Variants in RSRC1 observed in about 807,000 individuals in gnomAD.
RSRC1 encodes the protein serine/Arginine-related protein 53.
RSRC1 carries 39 observed loss-of-function variants against 49.1 expected under a neutral mutation model. The observed-to-expected ratio is 0.79, with a 90% CI of 0.61 to 1.04. The LOEUF (loss-of-function observed/expected upper bound fraction) is 1.04, where lower values mean the gene tolerates loss of function less well. Ranked by LOEUF, RSRC1 falls within the 50% of genes least tolerant of loss-of-function variation. The pLI is 0.00. For missense variants in RSRC1, 388 were observed against 402.4 expected (o/e 0.96, Z 0.31); for synonymous variants, 143 against 130.8 (o/e 1.09, Z -0.63).
At chr3:158,208,523 T>C (rs1350908423) in intron 4 of RSRC1, among the ~76,000 whole-genome samples, 1 of 152,102 alleles carries the variant, frequency 6.6e-6, no homozygotes. Flanking sequence ...ACCACGAAAC[T>C]TGGCTAATTT....
At chr3:158,110,533 T>C (rs11713363) in intron 1 of RSRC1, 47,602 of 152,596 alleles carry the variant, frequency 0.31, 7,994 homozygotes, top group East Asian at 0.57. Flanking sequence ...ACGTTCCTGG[T>C]TCTTCATAGC....
intron 7 of RSRC1, among the ~76,000 whole-genome samples, chr3:158,465,104 T>C (rs1737814471): frequency 1.3e-5 from 2 of 152,156 alleles, no homozygotes; most frequent in Non-Finnish European, 2.9e-5. Context: ...CACTTGAGTT[T>C]CTGGGACACC....
chr3:158,171,953 TCAACAA>T (rs374799867), intron 3 of RSRC1, among the ~76,000 whole-genome samples: 3 of 151,150 alleles, frequency 2.0e-5, no homozygotes, highest in East Asian at 1.9e-4. Flanking sequence ...CTGTGTCGCT[TCAACAA>T]CAACAACAAC....
At chr3:158,534,050 G>A (rs1277769260) in intron 7 of RSRC1, among the ~76,000 whole-genome samples, 9 of 151,660 alleles carry the variant, frequency 5.9e-5, no homozygotes, top group Non-Finnish European at 3.0e-5. Flanking sequence ...TATGTGGGAA[G>A]ATATATTCTT....
At chr3:158,388,423 T>G (rs73170367) in intron 6 of RSRC1, among the ~76,000 whole-genome samples, 20,465 of 152,034 alleles carry the variant, frequency 0.13, 1,496 homozygotes, top group Middle Eastern at 0.2. Flanking sequence ...TATACTCTTA[T>G]GAAATGAGCA....
chr3:158,418,054 T>G (rs563198368), intron 6 of RSRC1, among the ~76,000 whole-genome samples: 2 of 152,124 alleles, frequency 1.3e-5, no homozygotes, highest in African/African-American at 4.8e-5. Context: ...TTCATATATG[T>G]GATTTTCTTA....
chr3:158,206,773 G>T (rs182447063), intron 4 of RSRC1, among the ~76,000 whole-genome samples: 4 of 152,142 alleles, frequency 2.6e-5, no homozygotes, highest in Admixed American at 2.6e-4. Context: ...AATTAGCTGG[G>T]CATAGTGGTG....
At chr3:158,121,113 G>A (rs1715229045) in intron 1 of RSRC1, among the ~76,000 whole-genome samples, 1 of 151,706 alleles carries the variant, frequency 6.6e-6, no homozygotes, top group Non-Finnish European at 1.5e-5. Flanking sequence ...ATTTTCATAT[G>A]TACATATTTT....
chr3:158,463,936 T>C (rs1737747275), intron 7 of RSRC1, among the ~76,000 whole-genome samples: 2 of 152,144 alleles, frequency 1.3e-5, no homozygotes, highest in Admixed American at 6.6e-5. Flanking sequence ...AGCCACTAAT[T>C]CTTTCCACTT....
chr3:158,476,438 G>A (rs1354919108), intron 7 of RSRC1, among the ~76,000 whole-genome samples: 3 of 152,084 alleles, frequency 2.0e-5, no homozygotes, highest in African/African-American at 7.2e-5. Context: ...TCAAAGCTTC[G>A]AAGAACAGGC....
chr3:158,398,950 C>T (rs1733748423), intron 6 of RSRC1, among the ~76,000 whole-genome samples: 1 of 151,678 alleles, frequency 6.6e-6, no homozygotes, highest in Admixed American at 6.6e-5. Flanking sequence ...TTTAAAATTG[C>T]TACATATATT....
chr3:158,413,816 A>G (rs1174765032), intron 6 of RSRC1, among the ~76,000 whole-genome samples: 1 of 152,212 alleles, frequency 6.6e-6, no homozygotes, highest in Non-Finnish European at 1.5e-5. Context: ...AATGGCAATT[A>G]TTAAAATGTC....
intron 4 of RSRC1, among the ~76,000 whole-genome samples, chr3:158,260,164 A>G (rs188955448): frequency 1.3e-5 from 2 of 151,998 alleles, no homozygotes; most frequent in East Asian, 2.0e-4. Context: ...TCCAATAGCC[A>G]CCACAGCTTG....
At chr3:158,187,716 A>T (rs1421008641) in intron 3 of RSRC1, among the ~76,000 whole-genome samples, 1 of 151,976 alleles carries the variant, frequency 6.6e-6, no homozygotes, top group Admixed American at 6.6e-5. Flanking sequence ...AGGGTCAGTA[A>T]ATAATAAAAG....
chr3:158,263,301 A>T (rs1724997936), intron 4 of RSRC1, among the ~76,000 whole-genome samples: 1 of 152,084 alleles, frequency 6.6e-6, no homozygotes, highest in South Asian at 2.1e-4. Flanking sequence ...TTTTCTTTTT[A>T]AATTATTAAT....
At chr3:158,429,411 C>A in intron 6 of RSRC1, among the ~76,000 whole-genome samples, 1 of 120,812 alleles carries the variant, frequency 8.3e-6, no homozygotes, top group Admixed American at 8.5e-5. Flanking sequence ...AAAGCAATAG[C>A]AAAATTTATG....
At position 158,326,178 on chromosome 3, in the gene RSRC1, G is replaced by A. The variant is rs370710034; in HGVS notation, c.531+28103G>A. Among the ~76,000 whole-genome samples, 4 of 152,246 alleles carry A rather than the reference G, an allele frequency of 2.6e-5. No homozygotes were observed. The South Asian group carries it at 6.2e-4, about 24-fold the overall frequency. ...TATACAATCATGTCATCTGCAAACA[G>A]GGACAATTTGACTTCCTCTTTTCCT... is the stretch of plus-strand genomic sequence containing the variant. On this transcript the variant is annotated intron_variant, in intron 5 of 9. Transcript: ENST00000611884.
intron 6 of RSRC1, among the ~76,000 whole-genome samples, chr3:158,437,009 A>G (rs1736076260): frequency 7.8e-6 from 1 of 128,350 alleles, no homozygotes; most frequent in African/African-American, 3.1e-5. Flanking sequence ...TATCTCTGCT[A>G]TAATACCTCA....
chr3:158,282,428 C>T (rs1047781797), intron 4 of RSRC1, among the ~76,000 whole-genome samples: 1 of 152,200 alleles, frequency 6.6e-6, no homozygotes, highest in East Asian at 1.9e-4. Context: ...AACTGCTCAG[C>T]ACTGTATCTC....
Sources: gnomAD v4.1 joint callset for allele counts (sites outside exome capture counted in the v4.1 genomes callset) on GRCh38, gnomAD v4.1.1 for gene constraint, MANE v1.5 for transcripts, NCBI Gene and HGNC (gene_info 2026-07-23, HGNC 2026-07-21) for gene names.